TMEM25: variants seen among roughly 807,000 people sequenced by gnomAD.
The protein encoded by TMEM25 is 0610039J01Rik.
Under a neutral mutation model 37.0 loss-of-function variants are expected in TMEM25, and 36 were observed. The observed-to-expected ratio is 0.97, with a 90% CI of 0.75 to 1.28. The LOEUF (loss-of-function observed/expected upper bound fraction) is 1.28, where lower values mean the gene tolerates loss of function less well. Among genes scored for constraint, TMEM25 ranks in the 50% most tolerant of loss-of-function variants. TMEM25 has a pLI of 0.00. For missense variants in TMEM25, 444 were observed against 477.9 expected, an observed-to-expected ratio of 0.93 and a Z score of 0.66; for synonymous variants, 197 against 203.7, an observed-to-expected ratio of 0.97 and a Z score of 0.28.
intron 1 of TMEM25, 194 bp downstream of exon 1, chr11:118,531,428 G>C (rs1951256122): frequency 2.4e-6 from 1 of 423,436 alleles, no homozygotes; most frequent in African/African-American, 2.0e-5. Flanking sequence ...TAGGAGAAAG[G>C]CGATCCCTTT....
In TMEM25 at chr11:118,534,035, C is replaced by A. The variant is rs145299577; in HGVS notation, c.843C>A (p.Ser281=). ...SRHPSLISSD[S]NNLKLNNVRL... is the part of the protein sequence containing the mutation. ...AACTTTGTCCTCCCTGTAGTGACTC[C>A]AACAACCTAAAACTCAACAACGTGC... The change falls in exon 7 of 9, where the codon TCC becomes TCA. Residue 281 remains serine (S), a synonymous_variant. Transcript: ENST00000313236. The surrounding 1 kb of genome is among the most constrained non-coding windows in gnomAD (Gnocchi z 4.6). 1.1e-3 allele frequency: 1,820 copies of A among 1,614,078 alleles called. 9 individuals are homozygous for A. The highest frequency in any genetic ancestry group is 7.1e-4 in the Non-Finnish European group (842 of 1,180,012).
intron 8 of TMEM25, chr11:118,545,300 G>T: frequency 2.3e-6 from 2 of 860,832 alleles, no homozygotes; most frequent in Non-Finnish European, 3.8e-6. Context: ...AAGGTAACTG[G>T]GCAGAGACAT....
chr11:118,546,429 T>C, exon 9 of TMEM25: 2 of 413,126 alleles, frequency 4.8e-6, no homozygotes, highest in South Asian at 5.7e-5. Flanking sequence ...AGGTTGAGGC[T>C]GCAGTGAGCT....
rs1951397531 is a variant in TMEM25 at position 118,533,549 on chromosome 11, AAGGT to A, written c.805+2_805+5del. Reference sequence around the variant, plus strand: ...GTCTGCAGAAAAGAGAAGAAAACCAAAGGTAGGCCAGGGACACTGGGGGCAGTGT... The same window carrying A: ...GTCTGCAGAAAAGAGAAGAAAACCAAAGGCCAGGGACACTGGGGGCAGTGT... On this transcript the variant is annotated splice_donor_variant and coding_sequence_variant, in exon 5 of 9. Transcript: ENST00000313236. LOFTEE classifies it high-confidence loss of function. The A allele has an allele frequency of 3.7e-6, 6 of 1,613,718 alleles. No homozygotes were observed. The East Asian group carries it at 1.3e-4, about 36-fold the overall frequency.
intron 5 of TMEM25, 125 bp downstream of exon 5, chr11:118,533,676 G>A: frequency 1.3e-6 from 2 of 1,584,022 alleles, no homozygotes; most frequent in Non-Finnish European, 1.7e-6. Flanking sequence ...GGGTGGCCAT[G>A]GGTACGGTGA....
chr11:118,531,595 C>T (rs1951270585), intron 1 of TMEM25, 180 bp from the exon 2 acceptor site: 3 of 586,786 alleles, frequency 5.1e-6, no homozygotes, highest in South Asian at 2.2e-5. Flanking sequence ...GTCCATGTGT[C>T]TGCTGGGTGG....
intron 8 of TMEM25, chr11:118,545,476 A>T (rs1951656701): frequency 6.2e-7 from 1 of 1,613,432 alleles, no homozygotes; most frequent in Non-Finnish European, 8.5e-7. Context: ...ACTCTTGTAG[A>T]CAGGGATGTC....
In TMEM25 at chr11:118,535,260, T is replaced by C; in HGVS notation, c.*680T>C. The C allele has an allele frequency of 1.7e-6, 2 of 1,212,032 alleles. No homozygotes were observed. Among genetic ancestry groups the C allele is most frequent in the South Asian group, 3.1e-5 (1 of 32,082 alleles). The allele number at this position is 1,212,032 out of a possible 1,614,324, so 75.1% of individuals were successfully genotyped here. A position where few individuals can be genotyped will look rare whatever the true frequency, so the allele number is the denominator to read the frequency against. On this transcript the variant is annotated 3_prime_UTR_variant, in exon 9 of 9. Coordinates refer to ENST00000313236, the MANE Select transcript of TMEM25 (RefSeq NM_032780.4). ...TACTTCACTGGGCACTAGACTTTTC[T>C]ATTGGCCTGTGCCATCGCCCAGTAT...
intron 3 of TMEM25, chr11:118,532,691 C>T (rs1048159890): frequency 1.7e-5 from 13 of 777,414 alleles, no homozygotes; most frequent in East Asian, 2.7e-5. Flanking sequence ...GTGATGATCC[C>T]GCTGGTAAGA....
chr11:118,539,769 C>T (rs578224343), downstream of TMEM25, among the ~76,000 whole-genome samples: 1 of 151,908 alleles, frequency 6.6e-6, no homozygotes, highest in African/African-American at 2.4e-5. Flanking sequence ...ACCTGTAATA[C>T]CAGTACTTTG....
intron 8 of TMEM25, among the ~76,000 whole-genome samples, chr11:118,543,120 GT>G (rs1348155061): frequency 6.6e-6 from 1 of 152,124 alleles, no homozygotes; most frequent in Non-Finnish European, 1.5e-5. Context: ...GTGCATGCCT[GT>G]AATCCCAGCT....
intron 8 of TMEM25, chr11:118,545,756 C>G (rs1555066927): frequency 1.3e-6 from 2 of 1,597,630 alleles, no homozygotes; most frequent in African/African-American, 2.7e-5. Context: ...GTGTCTCTAT[C>G]CAGAGATGGG....
chr11:118,534,589 C>T lies in TMEM25; in HGVS notation c.*9C>T, dbSNP rs782047246. ...ATGAGATCTGGCTCTGAGCCGAGGG[C>T]GAGACAGGAGTATTCTCTTGGCCTC... On this transcript the variant is annotated 3_prime_UTR_variant, in exon 9 of 9. Transcript: ENST00000313236. This position sits in a 1 kb window ranked among gnomAD's most constrained non-coding sequence, Gnocchi z 4.6. The T allele has an allele frequency of 1.0e-4, 161 of 1,613,894 alleles. 1 individual carries two copies. The South Asian group carries it at 1.5e-3, about 15-fold the overall frequency.
chr11:118,536,791 G>A (rs1555063644), downstream of TMEM25, among the ~76,000 whole-genome samples: 1 of 152,092 alleles, frequency 6.6e-6, no homozygotes, highest in African/African-American at 2.4e-5. Flanking sequence ...GGCTCAGACT[G>A]GGATGTGATT....
intron 8 of TMEM25, among the ~76,000 whole-genome samples, chr11:118,542,723 G>A (rs374582754): frequency 1.1e-4 from 16 of 151,706 alleles, no homozygotes; most frequent in African/African-American, 7.3e-5. Flanking sequence ...GACCAGCCTG[G>A]GCAACATGGT....
At chr11:118,543,283 A>C (rs1029271425) in intron 8 of TMEM25, among the ~76,000 whole-genome samples, 1 of 152,244 alleles carries the variant, frequency 6.6e-6, no homozygotes, top group Non-Finnish European at 1.5e-5. Flanking sequence ...GTTTGTAAGA[A>C]ACAGTTCCTC....
At chr11:118,544,070 A>C (rs782227435) in intron 8 of TMEM25, among the ~76,000 whole-genome samples, 5 of 152,182 alleles carry the variant, frequency 3.3e-5, no homozygotes, top group Admixed American at 6.5e-5. Context: ...GGCCTCCCAA[A>C]GTTCTGGGAT....
At chr11:118,543,492 T>C (rs1294447836) in intron 8 of TMEM25, among the ~76,000 whole-genome samples, 1 of 152,074 alleles carries the variant, frequency 6.6e-6, no homozygotes, top group Non-Finnish European at 1.5e-5. Context: ...TATCATATTA[T>C]TATATATTTT....
intron 1 of TMEM25, 31 bp from the exon 2 acceptor site, chr11:118,531,744 C>T (rs1951281209): frequency 1.0e-5 from 15 of 1,461,584 alleles, no homozygotes; most frequent in East Asian, 2.5e-5. Context: ...CCTGCTGTCA[C>T]CTGGCTGACA....
Sources: allele counts gnomAD v4.1 joint callset (sites outside exome capture counted in the v4.1 genomes callset), GRCh38; gene constraint gnomAD v4.1.1; non-coding constraint Gnocchi (gnomAD v3.1); transcripts MANE v1.5; gene names NCBI Gene and HGNC (gene_info 2026-07-23, HGNC 2026-07-21).